Variants in CAST observed in about 807,000 individuals in gnomAD.
The protein encoded by CAST is calpastatin.
Under a neutral mutation model 119.6 loss-of-function variants are expected in CAST, and 76 were observed. The ratio of observed to expected loss-of-function variants is 0.64; its 90% CI spans 0.53 to 0.77. CAST has a LOEUF of 0.77. CAST is among the 30% of genes least tolerant of loss of function. The pLI is 0.00. For synonymous variants in CAST, 319 were observed against 331.6 expected, an observed-to-expected ratio of 0.96 and a Z score of 0.41; for missense variants, 953 against 946.5, an observed-to-expected ratio of 1.01 and a Z score of -0.09.
chr5:96,234,190 A>G, the CAST span, among the ~76,000 whole-genome samples: 2 of 152,204 alleles, frequency 1.3e-5, no homozygotes, highest in Non-Finnish European at 2.9e-5. Flanking sequence ...AGGGTCTGTC[A>G]AAGTTTATGG....
the CAST span, among the ~76,000 whole-genome samples, chr5:95,987,705 T>C: frequency 6.6e-6 from 1 of 152,210 alleles, no homozygotes; most frequent in African/African-American, 2.4e-5. Context: ...TGGGACCAAA[T>C]TGTATCTTCC....
chr5:96,472,331 A>C, the CAST span, among the ~76,000 whole-genome samples: 1 of 152,192 alleles, frequency 6.6e-6, no homozygotes, highest in Non-Finnish European at 1.5e-5. Context: ...TGTTTATGGA[A>C]GACATCTATA....
chr5:96,561,787 T>G (rs13180123), intron 1 of CAST, among the ~76,000 whole-genome samples: 1,117 of 9,272 alleles, frequency 0.12, 104 homozygotes, highest in South Asian at 0.19. Context: ...TATATATATG[T>G]TTTTTTTTGT....
the CAST span, among the ~76,000 whole-genome samples, chr5:96,144,832 A>T: frequency 6.6e-6 from 1 of 151,860 alleles, no homozygotes; most frequent in African/African-American, 2.4e-5. Flanking sequence ...GCGCACCACC[A>T]TGCCCAGCTA....
the CAST span, among the ~76,000 whole-genome samples, chr5:96,186,766 G>A: frequency 6.6e-5 from 10 of 152,144 alleles, no homozygotes; most frequent in Non-Finnish European, 1.0e-4. Flanking sequence ...ATTCGTTGAC[G>A]ATTTTTGCAT....
intron 1 of CAST, among the ~76,000 whole-genome samples, chr5:96,596,689 G>A (rs548187315): frequency 3.1e-4 from 47 of 152,312 alleles, no homozygotes; most frequent in Admixed American, 1.2e-3. Context: ...ATGGAACACA[G>A]CAGCCCACCT....
chr5:96,466,269 T>A, the CAST span, among the ~76,000 whole-genome samples: 2 of 152,114 alleles, frequency 1.3e-5, no homozygotes, highest in African/African-American at 4.8e-5. Flanking sequence ...ATTATATTGT[T>A]GATTAGTATT....
chr5:96,769,400 T>TG (rs1282397880), intron 29 of CAST: 1 of 151,854 alleles, frequency 6.6e-6, no homozygotes, highest in African/African-American at 2.4e-5. Flanking sequence ...TTTTTTGTTT[T>TG]TTTTTTTTTG....
the CAST span, among the ~76,000 whole-genome samples, chr5:95,983,085 A>G: frequency 6.6e-6 from 1 of 152,236 alleles, no homozygotes. Flanking sequence ...GAAAATACAT[A>G]TGGTATGGTT....
chr5:96,054,911 A>G, the CAST span, among the ~76,000 whole-genome samples: 1 of 152,152 alleles, frequency 6.6e-6, no homozygotes, highest in East Asian at 1.9e-4. Flanking sequence ...TAAAATGAGG[A>G]TGATAGAAAG....
chr5:96,493,061 A>G, the CAST span, among the ~76,000 whole-genome samples: 1 of 152,234 alleles, frequency 6.6e-6, no homozygotes, highest in Non-Finnish European at 1.5e-5. Flanking sequence ...AAAGCTACAG[A>G]TAATTTTATT....
chr5:96,241,975 G>A, the CAST span, among the ~76,000 whole-genome samples: 2 of 139,628 alleles, frequency 1.4e-5, no homozygotes, highest in Middle Eastern at 3.3e-3. Context: ...CCCTTTGTCA[G>A]ATGAGTAGGT....
the CAST span, among the ~76,000 whole-genome samples, chr5:96,500,084 C>T: frequency 6.6e-6 from 1 of 151,824 alleles, no homozygotes; most frequent in Non-Finnish European, 1.5e-5. Context: ...CAGTCTGTGG[C>T]CCCCCAAAAA....
chr5:96,366,160 C>A, the CAST span, among the ~76,000 whole-genome samples: 10 of 152,210 alleles, frequency 6.6e-5, no homozygotes, highest in Non-Finnish European at 1.3e-4. Flanking sequence ...TTGGCCCCCA[C>A]CCTCTTCTGT....
chr5:96,094,063 T>C, the CAST span, among the ~76,000 whole-genome samples: 1 of 151,742 alleles, frequency 6.6e-6, no homozygotes, highest in African/African-American at 2.4e-5. Context: ...GTAAGGAAGT[T>C]AGTTGGTTAC....
chr5:96,205,432 G>C, the CAST span, among the ~76,000 whole-genome samples: 1 of 151,966 alleles, frequency 6.6e-6, no homozygotes, highest in Non-Finnish European at 1.5e-5. Context: ...AATAAGCATA[G>C]TACCTGATAG....
At chr5:96,767,866 T>C in intron 28 of CAST, 41 bp from the exon 29 acceptor site, 1 of 1,348,752 alleles carries the variant, frequency 7.4e-7, no homozygotes, top group Non-Finnish European at 1.1e-6. Flanking sequence ...GCATTTTGCC[T>C]TCTGCTTCTT....
the CAST span, among the ~76,000 whole-genome samples, chr5:96,393,657 T>C: frequency 4.6e-5 from 7 of 152,322 alleles, no homozygotes; most frequent in East Asian, 1.3e-3. Context: ...TAGATGAGAC[T>C]GTATAGGTAA....
the CAST span, among the ~76,000 whole-genome samples, chr5:96,486,813 C>T: frequency 6.6e-6 from 1 of 152,156 alleles, no homozygotes; most frequent in Non-Finnish European, 1.5e-5. Context: ...CTATCCTGAT[C>T]CCCAGGTAGC....
Sources: allele counts gnomAD v4.1 joint callset (sites outside exome capture counted in the v4.1 genomes callset), GRCh38; gene constraint gnomAD v4.1.1; transcripts MANE v1.5; gene names NCBI Gene and HGNC (gene_info 2026-07-23, HGNC 2026-07-21).